The following ZNF169 variants were observed in gnomAD, a reference collection of about 807,000 sequenced individuals.
ZNF169 encodes the protein zinc finger protein 169.
In ZNF169, 11 loss-of-function variants were observed where a neutral mutation model predicts 12.0. The ratio of observed to expected loss-of-function variants is 0.92; its 90% CI spans 0.58 to 1.52. The LOEUF (loss-of-function observed/expected upper bound fraction) is 1.52. ZNF169 is among the 40% of genes most tolerant of loss of function. ZNF169 has a pLI of 0.00. For synonymous variants in ZNF169, 302 were observed against 286.5 expected, an observed-to-expected ratio of 1.05 and a Z score of -0.55; for missense variants, 722 against 744.0, an observed-to-expected ratio of 0.97 and a Z score of 0.34.
At chr9:94,268,539 C>T (rs1830331711) in intron 1 of ZNF169, among the ~76,000 whole-genome samples, 1 of 151,990 alleles carries the variant, frequency 6.6e-6, no homozygotes, top group South Asian at 2.1e-4. Flanking sequence ...CCTGTAATCC[C>T]AGCACTTTGG....
intron 1 of ZNF169, among the ~76,000 whole-genome samples, chr9:94,263,276 A>T (rs1350585539): frequency 6.6e-6 from 1 of 152,174 alleles, no homozygotes; most frequent in Non-Finnish European, 1.5e-5. Flanking sequence ...TATAAGGTGC[A>T]TACATATTTA....
intron 1 of ZNF169, among the ~76,000 whole-genome samples, chr9:94,265,615 T>C (rs1183657663): frequency 6.6e-6 from 1 of 151,788 alleles, no homozygotes; most frequent in Non-Finnish European, 1.5e-5. Flanking sequence ...TTCCAGAGCT[T>C]ATATAACAAG....
chr9:94,290,763 A>G (rs1363715797), intron 2 of ZNF169, among the ~76,000 whole-genome samples: 1 of 152,064 alleles, frequency 6.6e-6, no homozygotes, highest in Non-Finnish European at 1.5e-5. Flanking sequence ...CCTACTTTCA[A>G]TTTTTGGGGG....
chr9:94,299,598 A>G (rs1441674371), intron 4 of ZNF169: 1 of 1,372,822 alleles, frequency 7.3e-7, no homozygotes, highest in South Asian at 2.0e-5. Context: ...AGCAATTTAT[A>G]GAGCTGAAGC....
At position 94,271,459 on chromosome 9, in the gene ZNF169, C is replaced by T. The variant is rs543750539; in HGVS notation, c.-55-7299C>T. ...TAAACTGGCCAGACTCAGTGGCTCA[C>T]GCCTGTAATCCCAGCACTTTGGGAG... On this transcript the variant is annotated intron_variant, in intron 1 of 4. Coordinates refer to ENST00000395395, the MANE Select transcript of ZNF169 (RefSeq NM_194320.4). Among the ~76,000 whole-genome samples the T allele has an allele frequency of 3.9e-5, 6 of 152,094 alleles. No homozygotes were observed. In the South Asian group the frequency reaches 1.0e-3, roughly 26 times the overall value.
At chr9:94,261,456 T>C (rs900361700) in intron 1 of ZNF169, among the ~76,000 whole-genome samples, 1 of 152,228 alleles carries the variant, frequency 6.6e-6, no homozygotes, top group African/African-American at 2.4e-5. Flanking sequence ...CTCTTATTTC[T>C]AACTTCTCAG....
At chr9:94,268,590 C>G (rs1391330005) in intron 1 of ZNF169, among the ~76,000 whole-genome samples, 2 of 151,842 alleles carry the variant, frequency 1.3e-5, no homozygotes, top group African/African-American at 4.8e-5. Context: ...GAGTTCGAGA[C>G]CACCCTGACC....
intron 1 of ZNF169, among the ~76,000 whole-genome samples, chr9:94,265,489 A>G (rs924123711): frequency 6.6e-6 from 1 of 151,794 alleles, no homozygotes; most frequent in African/African-American, 2.4e-5. Flanking sequence ...CTGAGGCAGG[A>G]GACTCACTTG....
chr9:94,278,718 C>T (rs1830566891), intron 1 of ZNF169, 40 bp from the exon 2 acceptor site: 1 of 1,228,718 alleles, frequency 8.1e-7, no homozygotes, highest in South Asian at 1.3e-5. Context: ...GAAGGGTGTT[C>T]TTCCCAAGTA....
rs551660237 is a variant in ZNF169, at chr9:94,260,351, C to T, written c.-56+1006C>T. ...TACAGGCGTGAGCCACCGTGCCCAA[C>T]CTCAGTCCAGTTATTAGGGCTCTTG... On this transcript the variant is annotated intron_variant, in intron 1 of 4. Transcript: ENST00000395395. Among the ~76,000 whole-genome samples the T allele has an allele frequency of 9.2e-5, 14 of 152,342 alleles. No individual in the cohort carries two copies. The South Asian group carries it at 2.5e-3, about 27-fold the overall frequency.
chr9:94,298,164 TAAA>T (rs746839233), intron 4 of ZNF169, among the ~76,000 whole-genome samples: 3 of 136,508 alleles, frequency 2.2e-5, no homozygotes, highest in Non-Finnish European at 1.6e-5. Flanking sequence ...GAGACTCCTT[TAAA>T]AAAAAAAAAA....
intron 1 of ZNF169, among the ~76,000 whole-genome samples, chr9:94,275,786 GTTTT>G (rs774781157): frequency 7.7e-6 from 1 of 130,522 alleles, no homozygotes; most frequent in Non-Finnish European, 1.6e-5. Flanking sequence ...TGCACTATCT[GTTTT>G]TTTTTTTTTT....
chr9:94,287,214 T>C (rs1830733580), intron 2 of ZNF169, among the ~76,000 whole-genome samples: 1 of 152,192 alleles, frequency 6.6e-6, no homozygotes, highest in South Asian at 2.1e-4. Flanking sequence ...GAATTGGGTT[T>C]CTTCTGTACC....
chr9:94,296,908 G>A (rs1830963642), intron 4 of ZNF169: 7 of 437,034 alleles, frequency 1.6e-5, no homozygotes, highest in Admixed American at 1.2e-4. Flanking sequence ...CTAGCCGAGT[G>A]TGGTGGTGCG....
At chr9:94,268,984 C>T (rs965277906) in intron 1 of ZNF169, among the ~76,000 whole-genome samples, 1 of 151,774 alleles carries the variant, frequency 6.6e-6, no homozygotes, top group African/African-American at 2.4e-5. Context: ...CTTTTAAATA[C>T]AAACATACAC....
At chr9:94,278,879 G>A (rs755020004) in intron 2 of ZNF169, 34 bp downstream of exon 2, 2 of 1,612,056 alleles carry the variant, frequency 1.2e-6, no homozygotes, top group South Asian at 1.1e-5. Flanking sequence ...GCTATTGCAG[G>A]AAGGTTTCAT....
chr9:94,288,612 C>T, intron 2 of ZNF169: 2 of 401,078 alleles, frequency 5.0e-6, no homozygotes, highest in Non-Finnish European at 9.5e-6. Flanking sequence ...GGTGCAGAGG[C>T]AGGTTTCCCT....
intron 4 of ZNF169, chr9:94,294,646 T>G (rs1830916473): frequency 6.6e-6 from 1 of 152,188 alleles, no homozygotes; most frequent in African/African-American, 2.4e-5. Flanking sequence ...TCTATTCAGC[T>G]GGAAGTGAAA....
chr9:94,290,155 A>G (rs1307931021), intron 2 of ZNF169, among the ~76,000 whole-genome samples: 1 of 152,234 alleles, frequency 6.6e-6, no homozygotes, highest in Non-Finnish European at 1.5e-5. Context: ...ATAAGACTTT[A>G]GCAGAATTCA....
Sources: gnomAD v4.1 joint callset for allele counts (sites outside exome capture counted in the v4.1 genomes callset) on GRCh38, gnomAD v4.1.1 for gene constraint, MANE v1.5 for transcripts, NCBI Gene and HGNC (gene_info 2026-07-23, HGNC 2026-07-21) for gene names.